Variants in HYCC2 observed in about 807,000 individuals in gnomAD.
The protein encoded by HYCC2 is hyccin PI4KA lipid kinase complex subunit 2.
the HYCC2 span, among the ~76,000 whole-genome samples, chr2:201,049,575 G>A: frequency 2.6e-5 from 4 of 151,026 alleles, no homozygotes; most frequent in Non-Finnish European, 4.4e-5. Flanking sequence ...GGGTGGTCTC[G>A]ATCCTCTGAC....
chr2:201,044,112 A>G, the HYCC2 span, among the ~76,000 whole-genome samples: 1,722 of 152,342 alleles, frequency 0.011, 17 homozygotes, highest in Non-Finnish European at 0.017. Context: ...AACTATACTT[A>G]AAAGAACTCA....
At chr2:201,034,324 C>T in the HYCC2 span, among the ~76,000 whole-genome samples, 1 of 152,192 alleles carries the variant, frequency 6.6e-6, no homozygotes, top group Admixed American at 6.5e-5. Context: ...GGATAGTTAG[C>T]TCTTCTTGTT....
chr2:201,020,968 C>G, the HYCC2 span, among the ~76,000 whole-genome samples: 13 of 152,174 alleles, frequency 8.5e-5, no homozygotes, highest in African/African-American at 3.1e-4. Flanking sequence ...GGGGTTTCAT[C>G]ATGTTGGCCA....
the HYCC2 span, chr2:200,981,669 G>T: frequency 2.5e-6 from 4 of 1,614,148 alleles, no homozygotes; most frequent in Non-Finnish European, 1.7e-6. This position sits in a 1 kb window ranked among gnomAD's most constrained non-coding sequence, Gnocchi z 4.5. Context: ...AATCTCGAGG[G>T]CTCTCACTGG....
At chr2:201,015,138 T>C in the HYCC2 span, among the ~76,000 whole-genome samples, 2 of 152,210 alleles carry the variant, frequency 1.3e-5, no homozygotes, top group Admixed American at 6.5e-5. Flanking sequence ...CACATGAGAA[T>C]GGAAATATGA....
chr2:201,011,550 G>T, the HYCC2 span: 2 of 795,944 alleles, frequency 2.5e-6, no homozygotes, highest in Admixed American at 3.5e-5. Flanking sequence ...TTAATTTACA[G>T]AATATATGAT....
the HYCC2 span, among the ~76,000 whole-genome samples, chr2:201,049,359 T>C: frequency 2.0e-5 from 3 of 150,032 alleles, no homozygotes; most frequent in African/African-American, 7.3e-5. Context: ...TTTTCTTTTC[T>C]TTTTTTTTGA....
the HYCC2 span, among the ~76,000 whole-genome samples, chr2:201,036,299 A>C: frequency 6.6e-5 from 10 of 152,212 alleles, no homozygotes; most frequent in African/African-American, 2.4e-4. Context: ...TTCACAGCCA[A>C]ATTCTACCAG....
At chr2:201,003,843 C>T in the HYCC2 span, among the ~76,000 whole-genome samples, 6 of 128,992 alleles carry the variant, frequency 4.7e-5, no homozygotes, top group African/African-American at 1.4e-4. Flanking sequence ...ATGGATTTCA[C>T]CCTTGTTGCC....
the HYCC2 span, among the ~76,000 whole-genome samples, chr2:201,017,684 T>C: frequency 1.3e-5 from 2 of 152,244 alleles, no homozygotes; most frequent in African/African-American, 4.8e-5. Context: ...TTTCAACCAC[T>C]GCTAATCAGT....
At chr2:201,000,898 C>T in the HYCC2 span, among the ~76,000 whole-genome samples, 1 of 151,292 alleles carries the variant, frequency 6.6e-6, no homozygotes, top group Admixed American at 6.6e-5. Flanking sequence ...CTTTGGGAGG[C>T]CAAGGCAGGT....
At chr2:201,023,853 A>T in the HYCC2 span, 1 of 795,016 alleles carries the variant, frequency 1.3e-6, no homozygotes, top group Non-Finnish European at 2.0e-6. Flanking sequence ...CCATATTTTT[A>T]TGTTTCTCCA....
chr2:201,046,200 T>C, the HYCC2 span, among the ~76,000 whole-genome samples: 2 of 152,250 alleles, frequency 1.3e-5, no homozygotes, highest in Non-Finnish European at 2.9e-5. Flanking sequence ...TTCAAATTGC[T>C]AAAATGGAGA....
At chr2:200,985,098 G>A in the HYCC2 span, among the ~76,000 whole-genome samples, 1 of 152,054 alleles carries the variant, frequency 6.6e-6, no homozygotes, top group African/African-American at 2.4e-5. Context: ...GCAACAGAGT[G>A]AGACCATCTG....
At chr2:201,043,331 C>T in the HYCC2 span, among the ~76,000 whole-genome samples, 1 of 151,334 alleles carries the variant, frequency 6.6e-6, no homozygotes, top group Admixed American at 6.6e-5. Context: ...AACCAGAGAC[C>T]TTTGTTCACA....
chr2:200,999,929 G>A, the HYCC2 span, among the ~76,000 whole-genome samples: 129 of 150,646 alleles, frequency 8.6e-4, 1 homozygote, highest in Non-Finnish European at 3.0e-4. Context: ...ATGGTGGCGC[G>A]CGCCTGTAGT....
the HYCC2 span, among the ~76,000 whole-genome samples, chr2:201,041,232 G>A: frequency 1.3e-5 from 2 of 152,184 alleles, no homozygotes; most frequent in Admixed American, 6.5e-5. Flanking sequence ...AAATGGGTGT[G>A]TGACCTATAC....
At chr2:201,004,786 G>A in the HYCC2 span, among the ~76,000 whole-genome samples, 18 of 152,242 alleles carry the variant, frequency 1.2e-4, no homozygotes, top group Admixed American at 1.1e-3. Context: ...GGGAGGCCGA[G>A]GCAGGTGGAT....
the HYCC2 span, among the ~76,000 whole-genome samples, chr2:201,053,747 G>A: frequency 6.6e-6 from 1 of 151,492 alleles, no homozygotes; most frequent in Non-Finnish European, 1.5e-5. Context: ...GGTGGATCAC[G>A]AGGTCAGGAG....
Sources: allele counts gnomAD v4.1 joint callset (sites outside exome capture counted in the v4.1 genomes callset), GRCh38; gene constraint gnomAD v4.1.1; non-coding constraint Gnocchi (gnomAD v3.1); transcripts MANE v1.5; gene names NCBI Gene and HGNC (gene_info 2026-07-23, HGNC 2026-07-21).